Variants in PXDNL observed in about 807,000 individuals in gnomAD.
PXDNL encodes peroxidasin like, also known as probable oxidoreductase PXDNL.
A neutral mutation model predicts 150.8 loss-of-function variants in PXDNL; 145 were observed. The ratio of observed to expected loss-of-function variants is 0.96; its 90% CI spans 0.84 to 1.10. PXDNL has a LOEUF of 1.10. Among genes scored for constraint, PXDNL ranks in the 50% least tolerant of loss-of-function variants. The pLI, the probability that PXDNL is intolerant of heterozygous loss-of-function variation, is 0.00. For missense variants in PXDNL, 2,087 were observed against 1,873.9 expected (o/e 1.11, Z -2.10); for synonymous variants, 757 against 725.7 (o/e 1.04, Z -0.69).
chr8:51,456,340 T>C (rs1462568728), intron 9 of PXDNL, among the ~76,000 whole-genome samples: 1 of 152,142 alleles, frequency 6.6e-6, no homozygotes, highest in Non-Finnish European at 1.5e-5. Context: ...TCTCCTGAAA[T>C]GATGCTTCAA....
chr8:51,368,184 A>G (rs1184616924), intron 19 of PXDNL, among the ~76,000 whole-genome samples: 5 of 152,152 alleles, frequency 3.3e-5, no homozygotes, highest in African/African-American at 1.2e-4. Context: ...TCTTCATCAA[A>G]CATAATAAAT....
At chr8:51,747,705 A>T (rs2037000521) in intron 1 of PXDNL, among the ~76,000 whole-genome samples, 1 of 152,242 alleles carries the variant, frequency 6.6e-6, no homozygotes, top group Non-Finnish European at 1.5e-5. Context: ...GAGTTCAAGT[A>T]CAATTAGCTG....
chr8:51,612,030 G>A (rs994423826), intron 2 of PXDNL, among the ~76,000 whole-genome samples: 1 of 152,234 alleles, frequency 6.6e-6, no homozygotes, highest in Non-Finnish European at 1.5e-5. Flanking sequence ...TCTCTTGAAA[G>A]CACTGGGGAC....
intron 2 of PXDNL, among the ~76,000 whole-genome samples, chr8:51,626,403 T>C (rs1280593272): frequency 1.3e-5 from 2 of 152,164 alleles, no homozygotes; most frequent in Non-Finnish European, 2.9e-5. Flanking sequence ...ATGAGGGTGC[T>C]CTAATGGCAA....
In PXDNL at chr8:51,751,917, G is replaced by A. The variant is rs185239715; in HGVS notation, c.164+57264C>T. Among the ~76,000 whole-genome samples, 15 of 152,312 alleles carry A rather than the reference G, an allele frequency of 9.8e-5. No individual in the cohort carries two copies. In the East Asian group the frequency reaches 2.9e-3, roughly 29 times the overall value. On this transcript the variant is annotated intron_variant, in intron 1 of 22. Transcript: ENST00000356297. ...GTTCCCGGAACAAACTGAGGGTTGGGCTGCTATTTCTTGTGGCCCAATAAC... is the reference window on the plus strand; with the variant it reads ...GTTCCCGGAACAAACTGAGGGTTGGACTGCTATTTCTTGTGGCCCAATAAC...
intron 21 of PXDNL, among the ~76,000 whole-genome samples, chr8:51,333,623 T>G (rs960496017): frequency 6.6e-6 from 1 of 152,028 alleles, no homozygotes; most frequent in African/African-American, 2.4e-5. Context: ...ACATAAGGAC[T>G]CACATAAACT....
chr8:51,321,625 GCT>G (rs908643190), intron 21 of PXDNL, among the ~76,000 whole-genome samples: 16 of 151,932 alleles, frequency 1.1e-4, no homozygotes, highest in Non-Finnish European at 2.2e-4. Context: ...TCCCCCATTT[GCT>G]CTCTCTCTCC....
intron 1 of PXDNL, among the ~76,000 whole-genome samples, chr8:51,743,828 T>G (rs1251231115): frequency 6.6e-6 from 1 of 151,518 alleles, no homozygotes; most frequent in Non-Finnish European, 1.5e-5. Flanking sequence ...TACTTTCATT[T>G]TGTTTGAGGA....
At chr8:51,705,772 C>T (rs550902375) in intron 1 of PXDNL, among the ~76,000 whole-genome samples, 1 of 152,158 alleles carries the variant, frequency 6.6e-6, no homozygotes, top group Non-Finnish European at 1.5e-5. Context: ...CAAAGACAGA[C>T]CAAATAGTTC....
intron 17 of PXDNL, among the ~76,000 whole-genome samples, chr8:51,387,039 C>T (rs1369976498): frequency 1.3e-5 from 2 of 152,092 alleles, no homozygotes; most frequent in Admixed American, 6.5e-5. Flanking sequence ...ATCTGATTTC[C>T]CACTGTTCTA....
intron 1 of PXDNL, among the ~76,000 whole-genome samples, chr8:51,730,013 G>A (rs1816887032): frequency 6.6e-6 from 1 of 152,174 alleles, no homozygotes; most frequent in African/African-American, 2.4e-5. Flanking sequence ...GGACTTTTAG[G>A]GCAGGGAAAC....
rs377352355 is a variant in PXDNL, at chr8:51,319,985, G to A, written c.4298C>T (p.Pro1433Leu). The part of the protein sequence containing the change: ...QVTCVVEICP[P>L]APCPSPELVK... ...CAATTCAGGACTGGGACAGGGAGCC[G>A]GGGGACAAATCTCCACCACACAGGT... The change falls in exon 23 of 23, where the codon CCG becomes CTG. Residue 1433 changes from proline (P) to leucine (L), a missense_variant. Pro to Leu is a moderately conservative substitution (Grantham distance 98). Coordinates refer to ENST00000356297, the MANE Select transcript of PXDNL (RefSeq NM_144651.5). 1.5e-5 allele frequency: 23 copies of A among 1,569,776 alleles called. No homozygotes were observed. Among genetic ancestry groups the A allele is most frequent in the South Asian group, 2.4e-5 (2 of 84,042 alleles).
At chr8:51,447,280 GT>G in intron 11 of PXDNL, 118 bp from the exon 12 acceptor site, 1 of 1,010,634 alleles carries the variant, frequency 9.9e-7, no homozygotes, top group Non-Finnish European at 1.4e-6. Flanking sequence ...GTGCTAGGGT[GT>G]ACTGTGTGCG....
chr8:51,487,937 C>T (rs1402272097), intron 5 of PXDNL, among the ~76,000 whole-genome samples: 1 of 152,146 alleles, frequency 6.6e-6, no homozygotes, highest in Non-Finnish European at 1.5e-5. Flanking sequence ...CTGCTGAACG[C>T]ACATTACTCG....
intron 8 of PXDNL, among the ~76,000 whole-genome samples, chr8:51,469,513 G>T (rs976884454): frequency 1.3e-5 from 2 of 151,976 alleles, no homozygotes; most frequent in South Asian, 4.2e-4. Context: ...CTTAAATCTG[G>T]TTATTCCCAC....
intron 4 of PXDNL, among the ~76,000 whole-genome samples, chr8:51,512,483 G>A (rs766099700): frequency 6.6e-6 from 1 of 152,096 alleles, no homozygotes; most frequent in African/African-American, 2.4e-5. Flanking sequence ...GGGAGATGGC[G>A]GCATTGATTC....
chr8:51,758,791 C>CT (rs1453033675), intron 1 of PXDNL, among the ~76,000 whole-genome samples: 2 of 152,118 alleles, frequency 1.3e-5, no homozygotes, highest in African/African-American at 4.8e-5. Flanking sequence ...CTTTATAAAT[C>CT]ACCCAGTCTC....
intron 17 of PXDNL, among the ~76,000 whole-genome samples, chr8:51,404,539 C>G (rs1808379137): frequency 6.9e-6 from 1 of 144,212 alleles, no homozygotes; most frequent in African/African-American, 3.0e-5. Flanking sequence ...GTTTACAATC[C>G]CATAGCTAGA....
intron 17 of PXDNL, among the ~76,000 whole-genome samples, chr8:51,403,098 A>G (rs867286682): frequency 4.0e-5 from 6 of 150,734 alleles, no homozygotes; most frequent in South Asian, 4.4e-4. Flanking sequence ...CAAAAAAAAA[A>G]AAAAAGAAAA....
Sources: gnomAD v4.1 joint callset for allele counts (sites outside exome capture counted in the v4.1 genomes callset) on GRCh38, gnomAD v4.1.1 for gene constraint, MANE v1.5 for transcripts, NCBI Gene and HGNC (gene_info 2026-07-23, HGNC 2026-07-21) for gene names.